ZNF562: variants seen among roughly 807,000 people sequenced by gnomAD.
ZNF562 encodes the protein zinc finger protein 562.
A neutral mutation model predicts 17.5 loss-of-function variants in ZNF562; 13 were observed. The ratio of observed to expected loss-of-function variants is 0.74; its 90% confidence interval spans 0.48 to 1.18. The LOEUF is 1.18. Among genes scored for constraint, ZNF562 ranks in the 50% most tolerant of loss-of-function variants. The pLI is 0.00. For missense variants in ZNF562, 481 were observed against 498.5 expected (o/e 0.96, Z 0.33); for synonymous variants, 163 against 165.4 (o/e 0.99, Z 0.11).
chr19:9,658,098 G>C lies in ZNF562; in HGVS notation c.152C>G (p.Thr51Ser). ...GTCCAGTAAAGCCCACTCCTCTGGG[G>C]TGAACTCCACAGCCACATCATCAAA... The part of the protein sequence containing the change: ...VTFDDVAVEF[T>S]PEEWALLDTT... Residue 51 changes from threonine (T) to serine (S), a missense_variant, in exon 4 of 6, where the codon ACC becomes AGC. Thr to Ser is a moderately conservative substitution (Grantham distance 58). Coordinates refer to ENST00000453372, the MANE Select transcript of ZNF562 (RefSeq NM_001130031.2). 1 of 1,613,940 alleles carries C rather than the reference G, an allele frequency of 6.2e-7. No individual in the cohort carries two copies. Among genetic ancestry groups the C allele is most frequent in the South Asian group, 1.1e-5 (1 of 91,052 alleles).
intron 1 of ZNF562, among the ~76,000 whole-genome samples, chr19:9,664,060 ATTTGT>A (rs978879013): frequency 1.1e-4 from 16 of 151,504 alleles, no homozygotes; most frequent in Middle Eastern, 3.4e-3. Flanking sequence ...TGGTCTGTGA[ATTTGT>A]TTTGTTTTGT....
chr19:9,671,017 A>T (rs1312935007), intron 1 of ZNF562, among the ~76,000 whole-genome samples: 1 of 149,748 alleles, frequency 6.7e-6, no homozygotes, highest in Non-Finnish European at 1.5e-5. Context: ...AAAAAAAAAG[A>T]GGTTGATTCA....
chr19:9,653,703 G>C lies in ZNF562; in HGVS notation c.527C>G (p.Ser176Cys). The change falls in exon 6 of 6, where the codon TCC becomes TGC. Residue 176 changes from serine to cysteine, a missense_variant. Around this residue, in one of 2 missense-constraint regions of ZNF562, gnomAD observed 403 missense variants for 386.4 expected, o/e 1.04. Coordinates refer to ENST00000453372, the MANE Select transcript of ZNF562 (RefSeq NM_001130031.2). The stretch of plus-strand genomic sequence containing the variant: ...GACTTTTCCACATGGATTAAATTTG[G>C]AAAGTTCTTGTCCAATAGAGGCTTC... ...HKEASIGQELSKFNPCGKVFT... is the reference protein window; with the variant it reads ...HKEASIGQELCKFNPCGKVFT... 3.7e-6 allele frequency: 6 copies of C among 1,614,034 alleles called. No homozygotes were observed. The highest frequency in any genetic ancestry group is 5.1e-6 in the Non-Finnish European group (6 of 1,179,958).
In ZNF562 at chr19:9,653,188, C is replaced by T. The variant is rs776954155; in HGVS notation, c.1042G>A (p.Glu348Lys). 1.4e-5 allele frequency: 22 copies of T among 1,613,922 alleles called. No homozygotes were observed. The highest frequency in any genetic ancestry group is 1.7e-5 in the Non-Finnish European group (20 of 1,179,990). Reference protein sequence around the residue: ...HTGIKPYECKECGQAFTQYTG... With the variant: ...HTGIKPYECKKCGQAFTQYTG... ...TACTGAGTGAAGGCTTGGCCACATTCCTTACATTCATAGGGTTTTATTCCA... is the reference window on the plus strand; with the variant it reads ...TACTGAGTGAAGGCTTGGCCACATTTCTTACATTCATAGGGTTTTATTCCA... The change falls in exon 6 of 6, where the codon GAA becomes AAA. Residue 348 changes from glutamate (E) to lysine (K), a missense_variant. This residue lies in a region of ZNF562 where 78 missense variants were observed against 112.0 expected (regional missense o/e 0.70). Coordinates refer to ENST00000453372, the MANE Select transcript of ZNF562 (RefSeq NM_001130031.2).
rs527439659 is a variant in ZNF562 at position 9,646,614 on chromosome 19, A to C, written c.*6335T>G. 1.4e-4 allele frequency: 21 copies of C among 152,326 alleles called. No homozygotes were observed. Among genetic ancestry groups the C allele is most frequent in the Admixed American group, 6.5e-4 (10 of 15,298 alleles). The allele number at this position is 152,326 out of a possible 1,614,324, so 9.4% of individuals were successfully genotyped here. On this transcript the variant is annotated 3_prime_UTR_variant, in exon 6 of 6. Transcript: ENST00000453372. ...TAACACAAGCAAAGGGAAAGAATGC[A>C]CAATTAATAAGTTATTCCAGAATGC...
chr19:9,671,541 T>C (rs1005827566), intron 1 of ZNF562, among the ~76,000 whole-genome samples: 3 of 152,216 alleles, frequency 2.0e-5, no homozygotes, highest in Non-Finnish European at 4.4e-5. Flanking sequence ...CTCTTGAATT[T>C]TGGAGGCAAC....
chr19:9,666,332 A>G (rs529883001), intron 1 of ZNF562, among the ~76,000 whole-genome samples: 4 of 152,122 alleles, frequency 2.6e-5, no homozygotes, highest in Admixed American at 2.0e-4. Context: ...TCAAAAAAAA[A>G]AAAAAAAAAA....
Position 9,653,208 on chromosome 19 carries a change from A to C in ZNF562, c.1022T>G (p.Ile341Arg). Residue 341 changes from isoleucine to arginine, a missense_variant, in exon 6 of 6, where the codon ATA becomes AGA. Coordinates refer to ENST00000453372, the MANE Select transcript of ZNF562 (RefSeq NM_001130031.2). ...ACATTCCTTACATTCATAGGGTTTT[A>C]TTCCAGTGTGAGTTCTTACATGTTG... is the stretch of plus-strand genomic sequence containing the variant. ...LTQHVRTHTGIKPYECKECGQ... is the reference protein window; with the variant it reads ...LTQHVRTHTGRKPYECKECGQ... 2 of 1,614,096 alleles carry C rather than the reference A, an allele frequency of 1.2e-6. No individual in the cohort carries two copies. Among genetic ancestry groups the C allele is most frequent in the South Asian group, 1.1e-5 (1 of 91,078 alleles).
chr19:9,672,533 G>GA (rs1215601110), intron 1 of ZNF562, among the ~76,000 whole-genome samples: 2 of 151,748 alleles, frequency 1.3e-5, no homozygotes, highest in Non-Finnish European at 2.9e-5. Context: ...AAATTTTTCA[G>GA]AAAAAAATGT....
intron 4 of ZNF562, among the ~76,000 whole-genome samples, 190 bp from the exon 5 acceptor site, chr19:9,656,843 T>C (rs1171440568): frequency 1.3e-5 from 2 of 149,234 alleles, no homozygotes. Flanking sequence ...ACCAAAATGG[T>C]GAAACCCTCT....
rs1175643687 is a variant in ZNF562, at chr19:9,669,722, GCGCGCGCGCGCGCACACACACACACA to G, written c.-131+5267_-131+5292del. Among the ~76,000 whole-genome samples the G allele has an allele frequency of 2.5e-3, 242 of 97,470 alleles. 2 individuals carry two copies. The highest frequency in any genetic ancestry group is 9.1e-3 in the African/African-American group (220 of 24,238). 63.9% of individuals were successfully genotyped at this position (97,470 alleles called of 152,430 possible). A position where few individuals can be genotyped will look rare whatever the true frequency, so the allele number is the denominator to read the frequency against. ...TGTCTGCATGCACGCGCGCGAGCGC[GCGCGCGCGCGCGCACACACACACACA>G]CACACACACACACACACACACACAC... On this transcript the variant is annotated intron_variant, in intron 1 of 5. Coordinates refer to ENST00000453372, the MANE Select transcript of ZNF562 (RefSeq NM_001130031.2).
chr19:9,670,259 A>C (rs987414440), intron 1 of ZNF562, among the ~76,000 whole-genome samples: 42 of 152,044 alleles, frequency 2.8e-4, no homozygotes, highest in African/African-American at 9.9e-4. Context: ...ACAAAACAAA[A>C]AAAACAGTAT....
At chr19:9,662,994 C>A (rs1438013718) in intron 1 of ZNF562, among the ~76,000 whole-genome samples, 1 of 151,806 alleles carries the variant, frequency 6.6e-6, no homozygotes, top group Admixed American at 6.6e-5. Flanking sequence ...TGAGCCACTG[C>A]GCCTGGCCAG....
intron 1 of ZNF562, among the ~76,000 whole-genome samples, chr19:9,665,839 A>G (rs2043935679): frequency 6.6e-6 from 1 of 151,956 alleles, no homozygotes; most frequent in Non-Finnish European, 1.5e-5. Flanking sequence ...ACATGATGAA[A>G]ACCCATCTCT....
Sources: allele counts gnomAD v4.1 joint callset (sites outside exome capture counted in the v4.1 genomes callset), GRCh38; gene constraint gnomAD v4.1.1; regional missense constraint gnomAD v4.1.1; transcripts MANE v1.5; gene names NCBI Gene and HGNC (gene_info 2026-07-23, HGNC 2026-07-21).